Variants in IMPA1 observed in about 807,000 individuals in gnomAD.
IMPA1 encodes D-galactose 1-phosphate phosphatase.
A neutral mutation model predicts 34.9 loss-of-function variants in IMPA1; 21 were observed. The ratio of observed to expected loss-of-function variants is 0.60; its 90% CI spans 0.43 to 0.87. IMPA1 has a LOEUF of 0.87. IMPA1 is among the 40% of genes least tolerant of loss of function. The pLI, the probability that IMPA1 is intolerant of heterozygous loss-of-function variation, is 0.00. For synonymous variants in IMPA1, 95 were observed against 104.4 expected (o/e 0.91, Z 0.55); for missense variants, 299 against 336.4 (o/e 0.89, Z 0.87).
rs867358541 is a variant in IMPA1 at position 81,681,414 on chromosome 8, G to A, written c.63+84C>T. The A allele has an allele frequency of 2.8e-5, 23 of 816,958 alleles. No individual in the cohort carries two copies. In the East Asian group the frequency reaches 3.4e-4, roughly 12 times the overall value. The allele number at this position is 816,958 out of a possible 1,614,324, so 50.6% of individuals were successfully genotyped here. ...CCGTTTCAAAAAAAGAAACCAAATC[G>A]AAACAAACAAAACAAGGCAACAACA... is the stretch of plus-strand genomic sequence containing the variant. On this transcript the variant is annotated intron_variant, in intron 2 of 8. Coordinates refer to ENST00000256108, the MANE Select transcript of IMPA1 (RefSeq NM_005536.4).
At chr8:81,681,132 A>C (rs751905639) in intron 2 of IMPA1, among the ~76,000 whole-genome samples, 3 of 152,212 alleles carry the variant, frequency 2.0e-5, no homozygotes, top group Non-Finnish European at 4.4e-5. Context: ...ATGGTGGTTC[A>C]CGCACGTAAT....
At chr8:81,679,351 C>T (rs1010905821) in intron 3 of IMPA1, 121 bp from the exon 4 acceptor site, 19 of 682,660 alleles carry the variant, frequency 2.8e-5, no homozygotes, top group Non-Finnish European at 4.2e-5. Context: ...TGGAGGTTCA[C>T]GCCTGTAATC....
intron 1 of IMPA1, chr8:81,685,705 TTATA>T: frequency 1.1e-6 from 1 of 872,484 alleles, no homozygotes; most frequent in Non-Finnish European, 1.5e-6. Flanking sequence ...ATATGAATAG[TTATA>T]TATATATAAA....
rs1243901312 is a variant in IMPA1 at position 81,657,177 on chromosome 8, C to A, written c.*2174G>T. ...CATTTAGAATAAACAGATGGAAAAG[C>A]TATTGTAGAAAAAAATATAGGTTTT... On this transcript the variant is annotated 3_prime_UTR_variant, in exon 9 of 9. Transcript: ENST00000256108. Among the ~76,000 whole-genome samples the A allele has an allele frequency of 6.6e-6, 1 of 152,064 alleles. No homozygotes were observed. The highest frequency in any genetic ancestry group is 1.5e-5 in the Non-Finnish European group (1 of 68,008).
At position 81,659,381 on chromosome 8, in the gene IMPA1, A is replaced by G; in HGVS notation, c.804T>C (p.Val268=). 1 of 1,608,794 alleles carries G rather than the reference A, an allele frequency of 6.2e-7. No individual in the cohort carries two copies. The highest frequency in any genetic ancestry group is 1.3e-5 in the African/African-American group (1 of 74,950). ...CTTCGTCGTCTCGTTGCAAAGGTAT[A>G]ACCTGAATTTCTTTAGCTATCCTTT... The part of the protein sequence containing the change: ...LAERIAKEIQ[V]IPLQRDDED The change falls in exon 9 of 9, where the codon GTT becomes GTC. Residue 268 remains valine (V), a synonymous_variant. Coordinates refer to ENST00000256108, the MANE Select transcript of IMPA1 (RefSeq NM_005536.4).
intron 1 of IMPA1, among the ~76,000 whole-genome samples, chr8:81,682,203 GA>G (rs145233327): frequency 9.0e-4 from 136 of 150,700 alleles, no homozygotes; most frequent in Non-Finnish European, 1.5e-3. Flanking sequence ...TTCACAGAGG[GA>G]AAAAAAAACC....
intron 1 of IMPA1, chr8:81,685,969 C>T (rs1403619407): frequency 1.3e-6 from 2 of 1,489,938 alleles, no homozygotes; most frequent in Non-Finnish European, 1.8e-6. Context: ...AGGAGCTTTT[C>T]GGAGTTGGGG....
chr8:81,666,013 A>C (rs1365953684), intron 7 of IMPA1, among the ~76,000 whole-genome samples: 1 of 152,216 alleles, frequency 6.6e-6, no homozygotes, highest in East Asian at 1.9e-4. Context: ...AAGGACTGTG[A>C]GCATTTTATA....
intron 7 of IMPA1, among the ~76,000 whole-genome samples, chr8:81,667,379 A>G (rs1806858730): frequency 6.6e-6 from 1 of 152,148 alleles, no homozygotes; most frequent in South Asian, 2.1e-4. Context: ...TCCAAAACGC[A>G]TGTTGAAACT....
At position 81,659,274 on chromosome 8, in the gene IMPA1, C is replaced by G; in HGVS notation, c.*77G>C. 1.2e-6 allele frequency: 1 copy of G among 817,012 alleles called. No individual in the cohort carries two copies. Among genetic ancestry groups the G allele is most frequent in the Admixed American group, 1.9e-5 (1 of 52,714 alleles). The allele number at this position is 817,012 out of a possible 1,614,324, so 50.6% of individuals were successfully genotyped here. A position where few individuals can be genotyped will look rare whatever the true frequency, so the allele number is the denominator to read the frequency against. Reference sequence around the variant, plus strand: ...GAGAATTTAAACCAAGCATATCATACATCCAAAACACATATCCATTGATGA... The same window carrying G: ...GAGAATTTAAACCAAGCATATCATAGATCCAAAACACATATCCATTGATGA... On this transcript the variant is annotated 3_prime_UTR_variant, in exon 9 of 9. Coordinates refer to ENST00000256108, the MANE Select transcript of IMPA1 (RefSeq NM_005536.4).
chr8:81,661,829 C>T (rs1427523518), intron 7 of IMPA1, among the ~76,000 whole-genome samples: 2 of 152,128 alleles, frequency 1.3e-5, no homozygotes, highest in Non-Finnish European at 2.9e-5. Flanking sequence ...AGAAGACAAA[C>T]GTCATCATGT....
chr8:81,683,853 A>C (rs1390865564), intron 1 of IMPA1, among the ~76,000 whole-genome samples: 1 of 152,268 alleles, frequency 6.6e-6, no homozygotes, highest in African/African-American at 2.4e-5. Context: ...TATGATCCAA[A>C]TGGAACAGAC....
chr8:81,671,797 T>C (rs986456600), intron 6 of IMPA1, among the ~76,000 whole-genome samples: 6 of 151,884 alleles, frequency 4.0e-5, no homozygotes, highest in Non-Finnish European at 5.9e-5. Flanking sequence ...CTCCGGAGGC[T>C]GAGGCAGGAG....
intron 7 of IMPA1, among the ~76,000 whole-genome samples, chr8:81,669,504 G>A (rs556436123): frequency 6.6e-6 from 1 of 152,358 alleles, no homozygotes; most frequent in South Asian, 2.1e-4. Flanking sequence ...TGCCCTGCTG[G>A]AATTCTGGAC....
In IMPA1 at chr8:81,686,255, G is replaced by C; in HGVS notation, c.-28C>G. ...GTGAGGAAAATAACGGTCTCACCTT[G>C]AGTCGGAGGACGTCCGGCTAGCTCT... On this transcript the variant is annotated 5_prime_UTR_variant, in exon 1 of 9. Coordinates refer to ENST00000256108, the MANE Select transcript of IMPA1 (RefSeq NM_005536.4). 1 of 1,008,468 alleles carries C rather than the reference G, an allele frequency of 9.9e-7. No individual in the cohort carries two copies. The highest frequency in any genetic ancestry group is 1.2e-6 in the Non-Finnish European group (1 of 843,210). 62.5% of individuals were successfully genotyped at this position (1,008,468 alleles called of 1,614,324 possible). A position where few individuals can be genotyped will look rare whatever the true frequency, so the allele number is the denominator to read the frequency against.
chr8:81,665,958 G>A (rs1490926337), intron 7 of IMPA1, among the ~76,000 whole-genome samples: 1 of 152,162 alleles, frequency 6.6e-6, no homozygotes, highest in Non-Finnish European at 1.5e-5. Flanking sequence ...ATCTACTAGA[G>A]GACGAACTTC....
Position 81,660,642 on chromosome 8 carries a change from C to T in IMPA1, c.592G>A (p.Val198Ile), listed in dbSNP as rs1806643376. ...HGIRSVGTAA[V>I]NMCLVATGGA... Reference sequence around the variant, plus strand: ...CCAGTTGCCACAAGGCACATATTAACAGCTGCTGTTCCAACACTCCGGATC... The same window carrying T: ...CCAGTTGCCACAAGGCACATATTAATAGCTGCTGTTCCAACACTCCGGATC... The change falls in exon 8 of 9, where the codon GTT becomes ATT. Residue 198 changes from valine to isoleucine, a missense_variant. Val to Ile is a conservative substitution (Grantham distance 29). Coordinates refer to ENST00000256108, the MANE Select transcript of IMPA1 (RefSeq NM_005536.4). The T allele has an allele frequency of 1.2e-6, 2 of 1,613,180 alleles. No homozygotes were observed. Among genetic ancestry groups the T allele is most frequent in the Non-Finnish European group, 1.7e-6 (2 of 1,179,330 alleles).
intron 7 of IMPA1, among the ~76,000 whole-genome samples, chr8:81,666,871 A>C (rs1217643378): frequency 8.7e-5 from 5 of 57,418 alleles, no homozygotes; most frequent in African/African-American, 3.5e-4. Flanking sequence ...CTCTGTCTCA[A>C]AAAAAAAAAA....
intron 1 of IMPA1, 37 bp from the exon 2 acceptor site, chr8:81,681,621 A>G (rs1305611474): frequency 5.1e-6 from 6 of 1,167,758 alleles, no homozygotes; most frequent in Non-Finnish European, 7.7e-6. Flanking sequence ...AGAAGTCTTA[A>G]TTATAGAATA....
Sources: allele counts gnomAD v4.1 joint callset (sites outside exome capture counted in the v4.1 genomes callset), GRCh38; gene constraint gnomAD v4.1.1; transcripts MANE v1.5; gene names NCBI Gene and HGNC (gene_info 2026-07-23, HGNC 2026-07-21).